The following DNAH7 variants were observed in gnomAD, a reference collection of about 807,000 sequenced individuals.
DNAH7 encodes axonemal beta dynein heavy chain 7.
DNAH7 carries 397 observed loss-of-function variants against 444.6 expected under a neutral mutation model. The observed-to-expected ratio is 0.89, with a 90% CI of 0.82 to 0.97. The LOEUF (loss-of-function observed/expected upper bound fraction) is 0.97, where lower values mean the gene tolerates loss of function less well. Among genes scored for constraint, DNAH7 ranks in the 50% least tolerant of loss-of-function variants. DNAH7 has a pLI of 0.00. For missense variants in DNAH7, 4,902 were observed against 4,800.8 expected (o/e 1.02, Z -0.62); for synonymous variants, 1,636 against 1,624.4 (o/e 1.01, Z -0.17).
At chr2:195,996,044 T>C (rs1256474126) in intron 12 of DNAH7, among the ~76,000 whole-genome samples, 1 of 152,242 alleles carries the variant, frequency 6.6e-6, no homozygotes, top group African/African-American at 2.4e-5. Context: ...ATCCACACTT[T>C]GTGCAATCAT....
intron 19 of DNAH7, among the ~76,000 whole-genome samples, chr2:195,947,027 AAG>A (rs1356967749): frequency 6.6e-6 from 1 of 151,624 alleles, no homozygotes; most frequent in Non-Finnish European, 1.5e-5. Flanking sequence ...CATGAATTAT[AAG>A]ATTATTTCAT....
intron 48 of DNAH7, among the ~76,000 whole-genome samples, chr2:195,833,335 A>T (rs2124952526): frequency 1.3e-5 from 2 of 152,344 alleles, no homozygotes; most frequent in South Asian, 4.1e-4. Flanking sequence ...TTTCACACTT[A>T]TTCTAATAGA....
intron 24 of DNAH7, among the ~76,000 whole-genome samples, chr2:195,916,702 A>G (rs904355211): frequency 1.3e-5 from 2 of 152,108 alleles, no homozygotes; most frequent in African/African-American, 4.8e-5. Context: ...TACTAAAAAT[A>G]TAAAAATTAG....
intron 27 of DNAH7, chr2:195,904,269 G>C (rs1171236420): frequency 6.6e-6 from 1 of 152,300 alleles, no homozygotes; most frequent in Non-Finnish European, 1.5e-5. Flanking sequence ...TCACCCAGAA[G>C]GTCAGATCTG....
chr2:195,957,444 TTC>T lies in DNAH7; in HGVS notation c.2893_2894del (p.Glu965MetfsTer14). ...GAAGCAGTAGGAGCTTGCCCTCCCA[TTC>T]TCTGAGGAGCAAAACACAGTGGCTC... ...FIKPYEKQMR[E>X]WEGKLLLLQE... is the part of the protein sequence containing the mutation. On this transcript the variant is annotated frameshift_variant and splice_region_variant, in exon 19 of 65. Coordinates refer to ENST00000312428, the MANE Select transcript of DNAH7 (RefSeq NM_018897.3). LOFTEE classifies it high-confidence loss of function. 6.5e-7 allele frequency: 1 copy of T among 1,537,774 alleles called. No homozygotes were observed. Among genetic ancestry groups the T allele is most frequent in the East Asian group, 2.3e-5 (1 of 42,918 alleles).
chr2:195,758,003 G>T (rs1694167312), intron 61 of DNAH7, among the ~76,000 whole-genome samples: 1 of 152,196 alleles, frequency 6.6e-6, no homozygotes. Flanking sequence ...AAATCAGGGG[G>T]ATTAAGTGAA....
chr2:196,046,451 A>G (rs1464992298), intron 5 of DNAH7, among the ~76,000 whole-genome samples: 1 of 152,168 alleles, frequency 6.6e-6, no homozygotes, highest in Non-Finnish European at 1.5e-5. Context: ...TTCTTCTAAA[A>G]ATTTGTAACC....
intron 58 of DNAH7, 101 bp downstream of exon 58, chr2:195,786,909 A>G (rs1263693513): frequency 1.9e-5 from 24 of 1,251,670 alleles, no homozygotes; most frequent in Non-Finnish European, 2.3e-5. Flanking sequence ...TATTCATTTC[A>G]TAAGAGTAGA....
chr2:195,773,360 AT>A (rs1295973530), intron 60 of DNAH7, among the ~76,000 whole-genome samples: 1 of 152,076 alleles, frequency 6.6e-6, no homozygotes, highest in Non-Finnish European at 1.5e-5. Flanking sequence ...TTTGGTGTGC[AT>A]AAAAGGCAGC....
At chr2:195,971,205 T>A (rs1434835543) in intron 16 of DNAH7, among the ~76,000 whole-genome samples, 1 of 152,182 alleles carries the variant, frequency 6.6e-6, no homozygotes, top group Admixed American at 6.5e-5. Context: ...GGCTTGCTAT[T>A]AAAGGACATC....
chr2:195,884,630 T>C lies in DNAH7; in HGVS notation c.5718A>G (p.Pro1906=). The C allele has an allele frequency of 6.2e-7, 1 of 1,614,186 alleles. No homozygotes were observed. Among genetic ancestry groups the C allele is most frequent in the Non-Finnish European group, 8.5e-7 (1 of 1,180,004 alleles). ...CATAAATTGTTCCTTTTTCAGGAAA[T>C]GGGACAGTTAGTGCCTTTGAGGATG... ...EQTSSKALTV[P]FPEKGTIYDY... The change falls in exon 35 of 65, where the codon CCA becomes CCG. Residue 1906 remains proline (P), a synonymous_variant. Coordinates refer to ENST00000312428, the MANE Select transcript of DNAH7 (RefSeq NM_018897.3).
At chr2:196,003,323 G>T (rs1211408953) in intron 10 of DNAH7, among the ~76,000 whole-genome samples, 1 of 152,218 alleles carries the variant, frequency 6.6e-6, no homozygotes, top group Non-Finnish European at 1.5e-5. Context: ...AATACACAGG[G>T]GAAGGTCCAG....
At chr2:195,945,448 A>G (rs75524297) in intron 19 of DNAH7, among the ~76,000 whole-genome samples, 1 of 151,960 alleles carries the variant, frequency 6.6e-6, no homozygotes, top group African/African-American at 2.4e-5. Context: ...GTCCTGTTGG[A>G]AAAAAAAGTC....
intron 60 of DNAH7, 128 bp from the exon 61 acceptor site, chr2:195,772,018 C>T (rs1417140135): frequency 1.3e-6 from 1 of 769,448 alleles, no homozygotes; most frequent in African/African-American, 1.7e-5. Context: ...GATCCATCTC[C>T]ACACAAGATT....
intron 45 of DNAH7, among the ~76,000 whole-genome samples, chr2:195,853,804 AAGTT>A (rs1699537568): frequency 6.6e-6 from 1 of 152,182 alleles, no homozygotes; most frequent in East Asian, 1.9e-4. Context: ...AAGACACTGA[AAGTT>A]AATTAATAAA....
chr2:196,057,110 T>C (rs1282569591), intron 2 of DNAH7, among the ~76,000 whole-genome samples: 1 of 152,214 alleles, frequency 6.6e-6, no homozygotes, highest in African/African-American at 2.4e-5. Context: ...GAACAAACTT[T>C]AATATTCAAA....
At chr2:195,792,430 CACACACAT>C (rs1695926072) in intron 57 of DNAH7, among the ~76,000 whole-genome samples, 1 of 149,052 alleles carries the variant, frequency 6.7e-6, no homozygotes, top group African/African-American at 2.5e-5. Context: ...CACACACACA[CACACACAT>C]TAAAAAAACA....
chr2:196,061,716 T>C (rs1166525316), intron 1 of DNAH7, among the ~76,000 whole-genome samples: 1 of 151,732 alleles, frequency 6.6e-6, no homozygotes, highest in Non-Finnish European at 1.5e-5. Context: ...GAGATCGGGG[T>C]GGAGAAAAAG....
At chr2:195,955,404 A>T (rs1236233059) in intron 19 of DNAH7, among the ~76,000 whole-genome samples, 1 of 152,182 alleles carries the variant, frequency 6.6e-6, no homozygotes. Context: ...TGGTACCAGT[A>T]CCATGCTGTT....
Sources: allele counts gnomAD v4.1 joint callset (sites outside exome capture counted in the v4.1 genomes callset), GRCh38; gene constraint gnomAD v4.1.1; transcripts MANE v1.5; gene names NCBI Gene and HGNC (gene_info 2026-07-23, HGNC 2026-07-21).